The following CSMD1 variants were observed in gnomAD, a reference collection of about 807,000 sequenced individuals.
CSMD1 encodes CUB and sushi domain-containing protein 1.
CSMD1 carries 213 observed loss-of-function variants against 417.5 expected under a neutral mutation model. The ratio of observed to expected loss-of-function variants is 0.51; its 90% CI spans 0.46 to 0.57. The LOEUF (loss-of-function observed/expected upper bound fraction) is 0.57. CSMD1 is among the 20% of genes least tolerant of loss of function. The pLI is 0.00. For synonymous variants in CSMD1, 2,862 were observed against 1,736.8 expected (o/e 1.65, Z -16.11); for missense variants, 6,923 against 4,529.7 (o/e 1.53, Z -15.17).
intron 6 of CSMD1, among the ~76,000 whole-genome samples, chr8:3,715,286 G>T (rs966565630): frequency 8.5e-5 from 13 of 152,114 alleles, no homozygotes; most frequent in African/African-American, 3.1e-4. Context: ...CGTGTGATTT[G>T]TGCTGATACA....
chr8:2,949,425 A>G (rs764758136), intron 67 of CSMD1, 39 bp from the exon 68 acceptor site: 2 of 1,130,806 alleles, frequency 1.8e-6, no homozygotes, highest in Admixed American at 4.0e-5. Context: ...ATAAAAAGGT[A>G]TACGAAGGGA....
rs371244247 is a variant in CSMD1, at chr8:3,301,128, GTTTT to G, written c.3950+6563_3950+6566del. On this transcript the variant is annotated intron_variant, in intron 25 of 69. Transcript: ENST00000635120. ...GGAATAATACATGATTTCTTCAATTGTTTTTTTTTAATTTTTTCAAAATCTATAT... is the reference window on the plus strand; with the variant it reads ...GGAATAATACATGATTTCTTCAATTGTTTTTAATTTTTTCAAAATCTATAT... 3.0e-4 allele frequency among the ~76,000 whole-genome samples: 46 copies of G among 150,970 alleles called. 1 individual carries two copies. The highest frequency in any genetic ancestry group is 2.7e-3 in the East Asian group (14 of 5,166).
chr8:3,284,294 A>G lies in CSMD1; in HGVS notation c.4003T>C (p.Trp1335Arg). 6.2e-7 allele frequency: 1 copy of G among 1,613,980 alleles called. No individual in the cohort carries two copies. The highest frequency in any genetic ancestry group is 1.1e-5 in the South Asian group (1 of 91,078). Reference sequence around the variant, plus strand: ...ATGTCACTGTCCACCGGCCCGTCCCAGACCTTGAGGATGTCGTGAGCCATC... The same window carrying G: ...ATGTCACTGTCCACCGGCCCGTCCCGGACCTTGAGGATGTCGTGAGCCATC... ...TEMAHDILKV[W>R]DGPVDSDILL... The change falls in exon 26 of 70, where the codon TGG becomes CGG. Residue 1335 changes from tryptophan to arginine, a missense_variant. Transcript: ENST00000635120.
chr8:3,824,124 G>A (rs866678033), intron 5 of CSMD1, among the ~76,000 whole-genome samples: 3 of 152,090 alleles, frequency 2.0e-5, no homozygotes, highest in Middle Eastern at 3.4e-3. Context: ...TATGTCGGAA[G>A]AAATATCTCA....
intron 23 of CSMD1, among the ~76,000 whole-genome samples, chr8:3,336,784 T>G (rs1340693982): frequency 6.6e-6 from 1 of 152,148 alleles, no homozygotes; most frequent in Non-Finnish European, 1.5e-5. Flanking sequence ...TCGCTGGCCC[T>G]GGGCTGTGTG....
intron 10 of CSMD1, among the ~76,000 whole-genome samples, chr8:3,569,540 G>C (rs1002765805): frequency 3.9e-5 from 6 of 152,186 alleles, no homozygotes; most frequent in African/African-American, 1.4e-4. Context: ...TTGCAGACCA[G>C]GTCAAACACA....
At chr8:4,026,141 C>G (rs545556745) in intron 4 of CSMD1, among the ~76,000 whole-genome samples, 1 of 152,090 alleles carries the variant, frequency 6.6e-6, no homozygotes, top group Admixed American at 6.6e-5. Flanking sequence ...ATTTACATCT[C>G]TCATAAATAT....
intron 5 of CSMD1, among the ~76,000 whole-genome samples, chr8:3,953,747 G>C (rs922606515): frequency 1.3e-5 from 2 of 152,220 alleles, no homozygotes; most frequent in East Asian, 1.9e-4. Context: ...GAGCCCCTGA[G>C]CTGCTCCACG....
Position 3,949,812 on chromosome 8 carries a change from C to T in CSMD1, c.818+48091G>A, listed in dbSNP as rs564521641. 5 of 426,250 alleles carry T rather than the reference C, an allele frequency of 1.2e-5. No individual in the cohort carries two copies. In the East Asian group the frequency reaches 3.5e-4, roughly 30 times the overall value. 26.4% of individuals were successfully genotyped at this position (426,250 alleles called of 1,614,324 possible). A position where few individuals can be genotyped will look rare whatever the true frequency, so the allele number is the denominator to read the frequency against. ...GCCTCTAACACATGGAAAGCTGGGG[C>T]AATGACCTGCTTCCATCTTTCATTG... On this transcript the variant is annotated intron_variant, in intron 5 of 69. Coordinates refer to ENST00000635120, the MANE Select transcript of CSMD1 (RefSeq NM_033225.6).
chr8:3,493,207 T>C (rs1042320798), intron 11 of CSMD1, among the ~76,000 whole-genome samples: 7 of 150,096 alleles, frequency 4.7e-5, no homozygotes, highest in African/African-American at 1.5e-4. Context: ...GGCAGGTGAA[T>C]TGCTTGAACC....
At chr8:4,235,796 A>G (rs935278485) in intron 3 of CSMD1, among the ~76,000 whole-genome samples, 1 of 152,104 alleles carries the variant, frequency 6.6e-6, no homozygotes, top group African/African-American at 2.4e-5. Flanking sequence ...TTTTTCTTTG[A>G]AACATTTGTT....
chr8:4,861,877 G>C (rs976933059), intron 1 of CSMD1, among the ~76,000 whole-genome samples: 1 of 152,112 alleles, frequency 6.6e-6, no homozygotes. Context: ...AGCAGAGGAA[G>C]AGAGACAGAG....
intron 26 of CSMD1, among the ~76,000 whole-genome samples, chr8:3,268,876 G>A (rs113130456): frequency 6.6e-6 from 1 of 152,222 alleles, no homozygotes; most frequent in African/African-American, 2.4e-5. Context: ...TCCAACATGA[G>A]CTGGATTCAT....
At chr8:3,959,259 G>C (rs1217322135) in intron 5 of CSMD1, among the ~76,000 whole-genome samples, 1 of 152,220 alleles carries the variant, frequency 6.6e-6, no homozygotes, top group Non-Finnish European at 1.5e-5. Context: ...CAGCACTTTA[G>C]GATGCCAAGG....
intron 5 of CSMD1, among the ~76,000 whole-genome samples, chr8:3,964,221 G>C (rs1472371061): frequency 2.6e-5 from 4 of 152,176 alleles, no homozygotes; most frequent in African/African-American, 7.2e-5. Flanking sequence ...ATAAATGAGA[G>C]TGATTTACTA....
rs951616559 is a variant in CSMD1 at position 3,276,310 on chromosome 8, C to G, written c.4153+7834G>C. On this transcript the variant is annotated intron_variant, in intron 26 of 69. Transcript: ENST00000635120. ...ATCTCCAGCTGCATGCTGGGAGAAC[C>G]ACTGCTCTCTTCAAAGCTCAGATGG... Among the ~76,000 whole-genome samples the G allele has an allele frequency of 9.2e-5, 14 of 152,142 alleles. No homozygotes were observed. In the East Asian group the frequency reaches 2.5e-3, roughly 27 times the overall value.
intron 1 of CSMD1, among the ~76,000 whole-genome samples, chr8:4,873,891 A>C (rs1353555992): frequency 6.6e-6 from 1 of 152,146 alleles, no homozygotes; most frequent in Non-Finnish European, 1.5e-5. Flanking sequence ...GCTTTTAGAC[A>C]AGGCAATTAG....
At chr8:3,177,426 C>G (rs770785383) in intron 37 of CSMD1, among the ~76,000 whole-genome samples, 7 of 152,186 alleles carry the variant, frequency 4.6e-5, no homozygotes, top group Non-Finnish European at 1.0e-4. Context: ...AATCTTAAAC[C>G]ACTGCAGGGG....
chr8:3,493,761 A>T, intron 10 of CSMD1, 35 bp from the exon 11 acceptor site: 1 of 1,546,730 alleles, frequency 6.5e-7, no homozygotes, highest in Non-Finnish European at 8.8e-7. Context: ...ACTTAGAACA[A>T]CAGGTACTTC....
Sources: gnomAD v4.1 joint callset for allele counts (sites outside exome capture counted in the v4.1 genomes callset) on GRCh38, gnomAD v4.1.1 for gene constraint, MANE v1.5 for transcripts, NCBI Gene and HGNC (gene_info 2026-07-23, HGNC 2026-07-21) for gene names.